The following RHOA variants were observed in gnomAD, a reference collection of about 807,000 sequenced individuals.
The protein encoded by RHOA is transforming protein RhoA.
Under a neutral mutation model 17.5 loss-of-function variants are expected in RHOA, and 3 were observed. The ratio of observed to expected loss-of-function variants is 0.17; its 90% confidence interval spans 0.08 to 0.44. RHOA has a LOEUF of 0.44. Ranked by LOEUF, RHOA falls within the 20% of genes least tolerant of loss-of-function variation. The probability of loss-of-function intolerance (pLI) is 0.99; values close to 1 mark genes in which losing one functional copy is unlikely to be tolerated. For synonymous variants in RHOA, 98 were observed against 88.4 expected, an observed-to-expected ratio of 1.11 and a Z score of -0.61; for missense variants, 56 against 242.3, an observed-to-expected ratio of 0.23 and a Z score of 5.10.
chr3:49,387,449 A>G (rs1247729122), intron 1 of RHOA, among the ~76,000 whole-genome samples: 512 of 12,492 alleles, frequency 0.041, 6 homozygotes, highest in East Asian at 0.26. Flanking sequence ...ATCTCGGGGG[A>G]AAAAAAAAAA....
intron 1 of RHOA, among the ~76,000 whole-genome samples, chr3:49,390,764 T>C (rs1195856678): frequency 6.6e-6 from 1 of 152,070 alleles, no homozygotes; most frequent in Non-Finnish European, 1.5e-5. Context: ...TCAGAAAAGG[T>C]AAAAGGCGTC....
intron 1 of RHOA, among the ~76,000 whole-genome samples, chr3:49,384,050 A>G (rs2048359104): frequency 6.6e-6 from 1 of 152,148 alleles, no homozygotes; most frequent in Admixed American, 6.6e-5. Context: ...AAGAAAAGAA[A>G]AAGAAAAATA....
intron 2 of RHOA, among the ~76,000 whole-genome samples, chr3:49,370,596 A>C (rs2048133403): frequency 6.6e-6 from 1 of 152,150 alleles, no homozygotes; most frequent in African/African-American, 2.4e-5. Context: ...ACTACTCAAG[A>C]AATGTCTGAA....
intron 1 of RHOA, among the ~76,000 whole-genome samples, chr3:49,380,716 T>TAAA (rs2048302753): frequency 1.8e-5 from 2 of 112,144 alleles, no homozygotes; most frequent in Non-Finnish European, 3.6e-5. Flanking sequence ...ATAATAATAA[T>TAAA]AATAAATACT....
chr3:49,366,280 C>A (rs185577837), intron 3 of RHOA, among the ~76,000 whole-genome samples: 2 of 152,246 alleles, frequency 1.3e-5, no homozygotes, highest in Admixed American at 1.3e-4. Flanking sequence ...CTTCCAGCAG[C>A]TTCACAAAAG....
chr3:49,393,247 A>C (rs771026800), intron 1 of RHOA, among the ~76,000 whole-genome samples: 57 of 151,778 alleles, frequency 3.8e-4, no homozygotes, highest in Non-Finnish European at 6.9e-4. Context: ...CTTCTTAGTC[A>C]CTCTGCCACC....
chr3:49,392,250 A>T (rs2048524347), intron 1 of RHOA, among the ~76,000 whole-genome samples: 1 of 151,904 alleles, frequency 6.6e-6, no homozygotes, highest in Non-Finnish European at 1.5e-5. Context: ...TGGGCAATAC[A>T]GTGAGACCTC....
chr3:49,372,069 A>T (rs1199152205), intron 2 of RHOA, among the ~76,000 whole-genome samples: 1 of 152,236 alleles, frequency 6.6e-6, no homozygotes, highest in Non-Finnish European at 1.5e-5. Context: ...TGCCAACCTG[A>T]CATTGCTTCC....
intron 1 of RHOA, among the ~76,000 whole-genome samples, chr3:49,376,221 C>T (rs2048224613): frequency 6.6e-6 from 1 of 152,124 alleles, no homozygotes; most frequent in Non-Finnish European, 1.5e-5. Flanking sequence ...AAAAGACATC[C>T]AAATTGGAAA....
At chr3:49,402,089 G>A (rs1374887503) in intron 1 of RHOA, among the ~76,000 whole-genome samples, 1 of 152,130 alleles carries the variant, frequency 6.6e-6, no homozygotes, top group Non-Finnish European at 1.5e-5. Flanking sequence ...GTTCTTTGGG[G>A]AAAGACAGGC....
chr3:49,399,032 G>A (rs1283305248), intron 1 of RHOA, among the ~76,000 whole-genome samples: 11 of 109,064 alleles, frequency 1.0e-4, no homozygotes, highest in Non-Finnish European at 1.6e-4. Context: ...TCCAGCCTGC[G>A]TGACAGAGCA....
intron 1 of RHOA, among the ~76,000 whole-genome samples, chr3:49,384,031 G>GA (rs1293414640): frequency 6.6e-6 from 1 of 151,776 alleles, no homozygotes; most frequent in Non-Finnish European, 1.5e-5. Context: ...CTGTGTCTCA[G>GA]AAAAAAGAAA....
At chr3:49,409,983 G>C (rs939527302) in intron 1 of RHOA, among the ~76,000 whole-genome samples, 2 of 152,222 alleles carry the variant, frequency 1.3e-5, no homozygotes, top group South Asian at 2.1e-4. Context: ...GCCATGATTA[G>C]GCCAACCAGG....
chr3:49,385,899 A>C (rs2048388463), intron 1 of RHOA, among the ~76,000 whole-genome samples: 3 of 152,094 alleles, frequency 2.0e-5, no homozygotes, highest in Non-Finnish European at 1.5e-5. Flanking sequence ...TTAGCAACTG[A>C]GGGTTTACTT....
At chr3:49,404,712 T>C (rs2048792458) in intron 1 of RHOA, among the ~76,000 whole-genome samples, 1 of 142,330 alleles carries the variant, frequency 7.0e-6, no homozygotes, top group Non-Finnish European at 1.5e-5. Flanking sequence ...GCAGATTGCC[T>C]GAGCTCAGGA....
chr3:49,383,675 C>A (rs1034518326), intron 1 of RHOA, among the ~76,000 whole-genome samples: 1 of 152,056 alleles, frequency 6.6e-6, no homozygotes, highest in Non-Finnish European at 1.5e-5. Context: ...TGTGCCTTCC[C>A]TTCCTAGAAT....
Position 49,407,882 on chromosome 3 carries a change from CCAGA to C in RHOA, c.-3+3934_-3+3937del, listed in dbSNP as rs1195972606. ...CTATCATAAATATGCTTAAATATGG[CCAGA>C]CATAGTGGCTCTCACCTGCAATCTC... On this transcript the variant is annotated intron_variant, in intron 1 of 4. Coordinates refer to ENST00000418115, the MANE Select transcript of RHOA (RefSeq NM_001664.4). Among the ~76,000 whole-genome samples the C allele has an allele frequency of 3.9e-5, 6 of 152,244 alleles. No homozygotes were observed. The East Asian group carries it at 5.8e-4, about 15-fold the overall frequency.
At chr3:49,378,936 T>A (rs2048275197) in intron 1 of RHOA, among the ~76,000 whole-genome samples, 1 of 152,064 alleles carries the variant, frequency 6.6e-6, no homozygotes, top group Admixed American at 6.6e-5. Flanking sequence ...TAAAGAACTC[T>A]TACAATTCAA....
At chr3:49,399,333 G>A (rs1286565626) in intron 1 of RHOA, among the ~76,000 whole-genome samples, 1 of 150,892 alleles carries the variant, frequency 6.6e-6, no homozygotes, top group African/African-American at 2.4e-5. Flanking sequence ...TCGCACCACT[G>A]CACTGCAGCC....
Sources: allele counts gnomAD v4.1 joint callset (sites outside exome capture counted in the v4.1 genomes callset), GRCh38; gene constraint gnomAD v4.1.1; transcripts MANE v1.5; gene names NCBI Gene and HGNC (gene_info 2026-07-23, HGNC 2026-07-21).